CCNJL: variants seen among roughly 807,000 people sequenced by gnomAD.
The protein encoded by CCNJL is cyclin J like, also known as cyclin-J-like protein.
A neutral mutation model predicts 33.4 loss-of-function variants in CCNJL; 33 were observed. That is an observed-to-expected ratio of 0.99 (90% CI 0.75 to 1.32). The LOEUF (loss-of-function observed/expected upper bound fraction) is 1.32. Ranked by LOEUF, CCNJL falls within the 40% of genes most tolerant of loss-of-function variation. The probability of loss-of-function intolerance (pLI) is 0.00; values close to 1 mark genes in which losing one functional copy is unlikely to be tolerated. For synonymous variants in CCNJL, 227 were observed against 220.9 expected, an observed-to-expected ratio of 1.03 and a Z score of -0.24; for missense variants, 512 against 499.7, an observed-to-expected ratio of 1.02 and a Z score of -0.23.
At chr5:160,303,938 T>TAAAC (rs1561804304) in intron 2 of CCNJL, among the ~76,000 whole-genome samples, 1 of 151,410 alleles carries the variant, frequency 6.6e-6, no homozygotes, top group African/African-American at 2.4e-5. Context: ...TCCACTCCCT[T>TAAAC]AGCACAGGCT....
intron 2 of CCNJL, among the ~76,000 whole-genome samples, chr5:160,296,665 C>T (rs1304993183): frequency 6.6e-6 from 1 of 152,146 alleles, no homozygotes; most frequent in Non-Finnish European, 1.5e-5. Context: ...TCCTCTAAGC[C>T]AGTGTTCCTG....
chr5:160,326,905 T>C lies in CCNJL; in HGVS notation n.207-11400A>G, dbSNP rs940067432. ...AGAGATTCATTCTAAAACAAAGTCA[T>C]GAATACGACCGAGTCGGATCATGCT... On this transcript the variant is annotated intron_variant and non_coding_transcript_variant, in intron 1 of 7. Transcript: ENST00000377503. The C allele has an allele frequency of 9.4e-5, 63 of 671,972 alleles. No homozygotes were observed. The African/African-American group carries it at 9.9e-4, about 11-fold the overall frequency. 41.6% of individuals were successfully genotyped at this position (671,972 alleles called of 1,614,324 possible). A position where few individuals can be genotyped will look rare whatever the true frequency, so the allele number is the denominator to read the frequency against.
At chr5:160,286,722 T>C (rs1057034615) in intron 2 of CCNJL, among the ~76,000 whole-genome samples, 4 of 152,198 alleles carry the variant, frequency 2.6e-5, no homozygotes, top group African/African-American at 9.6e-5. Context: ...GGTTAGTAGG[T>C]ACAGCGTGCT....
intron 2 of CCNJL, among the ~76,000 whole-genome samples, chr5:160,288,667 G>A (rs924576613): frequency 2.6e-5 from 4 of 151,896 alleles, no homozygotes; most frequent in Non-Finnish European, 2.9e-5. Flanking sequence ...TCAGGAGATC[G>A]AGACCATCCT....
At chr5:160,303,605 A>T (rs563662828) in intron 2 of CCNJL, among the ~76,000 whole-genome samples, 54 of 151,704 alleles carry the variant, frequency 3.6e-4, no homozygotes, top group African/African-American at 1.3e-3. Context: ...GTCAACAGAG[A>T]TTGTTTCCAA....
intron 3 of CCNJL, among the ~76,000 whole-genome samples, chr5:160,267,397 T>C (rs1761644358): frequency 6.6e-6 from 1 of 152,232 alleles, no homozygotes; most frequent in Non-Finnish European, 1.5e-5. Context: ...TTTAAAAGTC[T>C]GTCTGCTCCA....
In CCNJL at chr5:160,280,547, G is replaced by C. The variant is rs372269963; in HGVS notation, c.258C>G (p.Ala86=). ...TACTTGCAAGCAGGAGGCAGGAGAC[G>C]GCCACGGTGTAGAGCTGCTTGGAGG... is the stretch of plus-strand genomic sequence containing the variant. The part of the protein sequence containing the change: ...VTTSKQLYTV[A]VSCLLLASKF... Residue 86 remains alanine (A), a synonymous_variant, in exon 3 of 6, where the codon GCC becomes GCG. Coordinates refer to ENST00000257536, the MANE Select transcript of CCNJL (RefSeq NM_001308173.3). 4 of 1,612,976 alleles carry C rather than the reference G, an allele frequency of 2.5e-6. No individual in the cohort carries two copies.
intron 2 of CCNJL, among the ~76,000 whole-genome samples, chr5:160,309,342 C>G (rs2421779): frequency 0.48 from 73,508 of 152,052 alleles, 19,039 homozygotes; most frequent in African/African-American, 0.67. Context: ...ATTTGACAAA[C>G]TGGGGCTCCC....
chr5:160,257,657 GA>G (rs200034063), intron 4 of CCNJL, among the ~76,000 whole-genome samples: 20,178 of 144,512 alleles, frequency 0.14, 1,462 homozygotes, highest in Middle Eastern at 0.26. Flanking sequence ...CCACAAAAAG[GA>G]AAAAAAAAAA....
chr5:160,273,005 G>GTTC (rs1179188344), intron 3 of CCNJL, among the ~76,000 whole-genome samples: 1 of 152,238 alleles, frequency 6.6e-6, no homozygotes. Context: ...AATAAAAAGA[G>GTTC]TGAAGTAAAT....
chr5:160,327,747 T>C (rs1021548543), intron 1 of CCNJL, among the ~76,000 whole-genome samples: 2 of 152,228 alleles, frequency 1.3e-5, no homozygotes, highest in Non-Finnish European at 2.9e-5. Flanking sequence ...CACCCTCACA[T>C]TGACTTTGCA....
At position 160,255,720 on chromosome 5, in the gene CCNJL, C is replaced by T. The variant is rs149537727; in HGVS notation, c.584-12G>A. ...GTAGAATATGTGATCTGAAAGAAAG[C>T]CACGGAGGGAGTCAGCATCCAAATC... is the stretch of plus-strand genomic sequence containing the variant. On this transcript the variant is annotated splice_polypyrimidine_tract_variant and intron_variant, in intron 4 of 5. Transcript: ENST00000257536. The T allele has an allele frequency of 6.8e-4, 1,091 of 1,612,246 alleles. 10 individuals carry two copies. In the African/African-American group the frequency reaches 0.012, roughly 18 times the overall value.
intron 3 of CCNJL, among the ~76,000 whole-genome samples, chr5:160,268,972 G>A (rs1014969612): frequency 4.6e-5 from 7 of 152,204 alleles, no homozygotes; most frequent in East Asian, 1.9e-4. Flanking sequence ...AATAATCAAC[G>A]AATGGATGGA....
chr5:160,256,662 A>G (rs1761074955), intron 4 of CCNJL, among the ~76,000 whole-genome samples: 1 of 152,226 alleles, frequency 6.6e-6, no homozygotes, highest in Non-Finnish European at 1.5e-5. Context: ...TCACATCTGT[A>G]ATCCCAGCAC....
intron 2 of CCNJL, among the ~76,000 whole-genome samples, chr5:160,287,636 G>A (rs1762451340): frequency 6.6e-6 from 1 of 152,248 alleles, no homozygotes; most frequent in South Asian, 2.1e-4. Flanking sequence ...TCCACTTGAA[G>A]GCCGCAGCAG....
intron 3 of CCNJL, among the ~76,000 whole-genome samples, chr5:160,271,804 T>A (rs1761843312): frequency 6.6e-6 from 1 of 152,246 alleles, no homozygotes. Context: ...TTCTGATTCC[T>A]GAAATGTTCA....
chr5:160,307,028 C>T (rs1229466504), intron 2 of CCNJL, among the ~76,000 whole-genome samples: 2 of 152,256 alleles, frequency 1.3e-5, no homozygotes, highest in African/African-American at 4.8e-5. Context: ...ACAGTCAATG[C>T]TGTGCCCACA....
intron 2 of CCNJL, among the ~76,000 whole-genome samples, chr5:160,306,551 A>G (rs1763103970): frequency 6.6e-6 from 1 of 152,206 alleles, no homozygotes; most frequent in Non-Finnish European, 1.5e-5. Context: ...GCTTATCAAC[A>G]TGGCTTTGGG....
At chr5:160,308,893 TGA>T (rs1235326538) in intron 2 of CCNJL, among the ~76,000 whole-genome samples, 4 of 152,200 alleles carry the variant, frequency 2.6e-5, no homozygotes, top group Middle Eastern at 3.2e-3. Flanking sequence ...AGCAACCATG[TGA>T]GAGTCTGAGA....
Sources: allele counts gnomAD v4.1 joint callset (sites outside exome capture counted in the v4.1 genomes callset), GRCh38; gene constraint gnomAD v4.1.1; transcripts MANE v1.5; gene names NCBI Gene and HGNC (gene_info 2026-07-23, HGNC 2026-07-21).